The following NOTO variants were observed in gnomAD, a reference collection of about 807,000 sequenced individuals.
The protein encoded by NOTO is notochord homeobox.
Under a neutral mutation model 20.5 loss-of-function variants are expected in NOTO, and 19 were observed. The observed-to-expected ratio is 0.93, with a 90% CI of 0.65 to 1.36. The LOEUF (loss-of-function observed/expected upper bound fraction) is 1.36. Ranked by LOEUF, NOTO falls within the 40% of genes most tolerant of loss-of-function variation. NOTO has a pLI of 0.00. For synonymous variants in NOTO, 150 were observed against 150.2 expected, an observed-to-expected ratio of 1.00 and a Z score of 0.01; for missense variants, 369 against 336.2, an observed-to-expected ratio of 1.10 and a Z score of -0.76.
Position 73,203,012 on chromosome 2 carries a change from G to T in NOTO, c.346G>T (p.Ala116Ser). The T allele has an allele frequency of 7.0e-7, 1 of 1,422,122 alleles. No individual in the cohort carries two copies. Among genetic ancestry groups the T allele is most frequent in the East Asian group, 3.0e-5 (1 of 33,728 alleles). The allele number at this position is 1,422,122 out of a possible 1,614,324, so 88.1% of individuals were successfully genotyped here. A position where few individuals can be genotyped will look rare whatever the true frequency, so the allele number is the denominator to read the frequency against. The change falls in exon 1 of 3, where the codon GCT (alanine) becomes TCT (serine). Residue 116 changes from alanine to serine, a missense_variant. Physicochemically the swap from Ala to Ser is moderately conservative, Grantham distance 99 (BLOSUM62 1). Transcript: ENST00000398468. ...GFYPVPGPRVAPVCGLLGFGV... is the reference protein window; with the variant it reads ...GFYPVPGPRVSPVCGLLGFGV... ...TTACCCTGTGCCAGGGCCGCGCGTGGCTCCCGTCTGCGGCCTGCTGGGCTT... is the reference window on the plus strand; with the variant it reads ...TTACCCTGTGCCAGGGCCGCGCGTGTCTCCCGTCTGCGGCCTGCTGGGCTT...
chr2:73,202,782 C>T lies in NOTO; in HGVS notation c.116C>T (p.Pro39Leu). 6.6e-7 allele frequency: 1 copy of T among 1,524,436 alleles called. No individual in the cohort carries two copies. The highest frequency in any genetic ancestry group is 2.6e-5 in the East Asian group (1 of 39,032). 94.4% of individuals were successfully genotyped at this position (1,524,436 alleles called of 1,614,324 possible). A position where few individuals can be genotyped will look rare whatever the true frequency, so the allele number is the denominator to read the frequency against. ...AGGTCCCCTACTGGCCCGAACACGC[C>T]CCGCGCTCCCGGACGCTTCGAGTCC... is the stretch of plus-strand genomic sequence containing the variant. ...APRSPTGPNT[P>L]RAPGRFESPF... is the part of the protein sequence containing the mutation. Residue 39 changes from proline (P) to leucine (L), a missense_variant, in exon 1 of 3, where the codon CCC (proline) becomes CTC (leucine). By Grantham distance (98) the Pro-to-Leu change is moderately conservative. Transcript: ENST00000398468.
intron 1 of NOTO, among the ~76,000 whole-genome samples, chr2:73,204,262 A>T (rs569696198): frequency 6.6e-6 from 1 of 152,342 alleles, no homozygotes; most frequent in African/African-American, 2.4e-5. Context: ...TGGGCAACAG[A>T]GTGAGACTCC....
In NOTO at chr2:73,212,195, A is replaced by C. The variant is rs1686193679; in HGVS notation, c.*1266A>C. 1 of 152,378 alleles carries C rather than the reference A, an allele frequency of 6.6e-6. No homozygotes were observed. Among genetic ancestry groups the C allele is most frequent in the South Asian group, 2.1e-4 (1 of 4,832 alleles). 9.4% of individuals were successfully genotyped at this position (152,378 alleles called of 1,614,324 possible). A position where few individuals can be genotyped will look rare whatever the true frequency, so the allele number is the denominator to read the frequency against. Reference sequence around the variant, plus strand: ...GGACTCGCTCTGTCACCCAGACTGGAGTGCAGTGGTGCAATCATAGCTCAC... The same window carrying C: ...GGACTCGCTCTGTCACCCAGACTGGCGTGCAGTGGTGCAATCATAGCTCAC... On this transcript the variant is annotated 3_prime_UTR_variant, in exon 3 of 3. Coordinates refer to ENST00000398468, the MANE Select transcript of NOTO (RefSeq NM_001134462.2).
rs1346757550 is a variant in NOTO, at chr2:73,212,083, C to T, written c.*1154C>T. ...AAGAAGAGAAGGTAGACTGTTTAGCCCACTTCACAAAGTTTCCCAACGTTT... is the reference window on the plus strand; with the variant it reads ...AAGAAGAGAAGGTAGACTGTTTAGCTCACTTCACAAAGTTTCCCAACGTTT... On this transcript the variant is annotated 3_prime_UTR_variant, in exon 3 of 3. Coordinates refer to ENST00000398468, the MANE Select transcript of NOTO (RefSeq NM_001134462.2). 1 of 152,194 alleles carries T rather than the reference C, an allele frequency of 6.6e-6. No homozygotes were observed. The highest frequency in any genetic ancestry group is 1.5e-5 in the Non-Finnish European group (1 of 68,052). 9.4% of individuals were successfully genotyped at this position (152,194 alleles called of 1,614,324 possible).
chr2:73,206,881 G>A (rs1179168808), intron 1 of NOTO, among the ~76,000 whole-genome samples: 1 of 136,908 alleles, frequency 7.3e-6, no homozygotes, highest in African/African-American at 2.8e-5. Context: ...TGCAACTTCC[G>A]CCTTCCAGGT....
rs1864492 is a variant in NOTO, at chr2:73,202,680, G to A, written c.14G>A (p.Arg5Lys). Reference sequence around the variant, plus strand: ...AACGGCCGCGTCATGCCTAGCCCCAGGCCGCGAGGCAGCCCGCCACCCGCT... The same window carrying A: ...AACGGCCGCGTCATGCCTAGCCCCAAGCCGCGAGGCAGCCCGCCACCCGCT... The part of the protein sequence containing the change: MPSP[R>K]PRGSPPPAPS... The change falls in exon 1 of 3, where the codon AGG becomes AAG. Residue 5 changes from arginine (R) to lysine (K), a missense_variant. Arg to Lys is a conservative substitution (Grantham distance 26, BLOSUM62 2). Transcript: ENST00000398468. 4.0e-6 allele frequency: 6 copies of A among 1,492,974 alleles called. No individual in the cohort carries two copies. The highest frequency in any genetic ancestry group is 1.5e-5 in the African/African-American group (1 of 68,494). 92.5% of individuals were successfully genotyped at this position (1,492,974 alleles called of 1,614,324 possible). A position where few individuals can be genotyped will look rare whatever the true frequency, so the allele number is the denominator to read the frequency against.
chr2:73,210,746 A>G, intron 2 of NOTO, 25 bp from the exon 3 acceptor site: 1 of 1,530,706 alleles, frequency 6.5e-7, no homozygotes, highest in Non-Finnish European at 8.8e-7. Context: ...TCACATTCTG[A>G]TCTCTGCCCA....
rs769183273 is a variant in NOTO, at chr2:73,211,486, T to A, written c.*557T>A. 1 of 152,044 alleles carries A rather than the reference T, an allele frequency of 6.6e-6. No homozygotes were observed. The highest frequency in any genetic ancestry group is 2.1e-4 in the South Asian group (1 of 4,832). The allele number at this position is 152,044 out of a possible 1,614,324, so 9.4% of individuals were successfully genotyped here. On this transcript the variant is annotated 3_prime_UTR_variant, in exon 3 of 3. Transcript: ENST00000398468. Reference sequence around the variant, plus strand: ...CCACAGATTCAGGGCTCATTCCACATGGCAGCCCCTCCTTTCTTTTTTTTT... The same window carrying A: ...CCACAGATTCAGGGCTCATTCCACAAGGCAGCCCCTCCTTTCTTTTTTTTT...
At chr2:73,210,175 C>T (rs187733386) in intron 2 of NOTO, among the ~76,000 whole-genome samples, 8 of 152,308 alleles carry the variant, frequency 5.3e-5, no homozygotes, top group Middle Eastern at 3.4e-3. Context: ...CCTTCCAGGT[C>T]CTGGGTGATC....
At position 73,208,592 on chromosome 2, in the gene NOTO, G is replaced by T; in HGVS notation, c.575G>T (p.Arg192Leu). The T allele has an allele frequency of 6.4e-7, 1 of 1,551,100 alleles. No individual in the cohort carries two copies. Among genetic ancestry groups the T allele is most frequent in the South Asian group, 1.2e-5 (1 of 84,020 alleles). ...AAGAAGAGAGCCCAGCTGGCAGCTC[G>T]GCTCAAACTTACAGAGAACCAGGTG... ...VGKKRAQLAA[R>L]LKLTENQVRV... The change falls in exon 2 of 3, where the codon CGG becomes CTG. Residue 192 changes from arginine to leucine, a missense_variant. Coordinates refer to ENST00000398468, the MANE Select transcript of NOTO (RefSeq NM_001134462.2).
intron 1 of NOTO, among the ~76,000 whole-genome samples, chr2:73,206,645 A>C (rs2103692580): frequency 6.6e-6 from 1 of 152,244 alleles, no homozygotes; most frequent in African/African-American, 2.4e-5. Flanking sequence ...AGACAGCACC[A>C]TGTTAAAATC....
At position 73,210,807 on chromosome 2, in the gene NOTO, C is replaced by T; in HGVS notation, c.634C>T (p.Gln212Ter). The part of the protein sequence containing the change: ...VWFQNRRVKY[Q>*]KQQKLRAAVT... ...GTTCCAGAACCGCAGGGTCAAGTAT[C>T]AGAAGCAGCAAAAGCTGAGGGCAGC... is the stretch of plus-strand genomic sequence containing the variant. Residue 212 changes from glutamine to a stop codon, truncating the protein, a stop_gained, in exon 3 of 3, where the codon CAG (glutamine) becomes TAG (stop). Coordinates refer to ENST00000398468, the MANE Select transcript of NOTO (RefSeq NM_001134462.2). LOFTEE classifies it low-confidence loss of function (END_TRUNC). 2 of 1,551,552 alleles carry T rather than the reference C, an allele frequency of 1.3e-6. No individual in the cohort carries two copies. The highest frequency in any genetic ancestry group is 1.7e-6 in the Non-Finnish European group (2 of 1,146,912).
chr2:73,209,565 T>C (rs1481778365), intron 2 of NOTO, among the ~76,000 whole-genome samples: 1 of 152,196 alleles, frequency 6.6e-6, no homozygotes, highest in African/African-American at 2.4e-5. Context: ...CCAGACACCA[T>C]GCTGTCTAGT....
intron 2 of NOTO, 62 bp downstream of exon 2, chr2:73,208,676 G>A: frequency 9.3e-7 from 1 of 1,069,772 alleles, no homozygotes; most frequent in Non-Finnish European, 1.4e-6. Context: ...ACCTCAGCAA[G>A]GCCCTAAAAG....
rs773799388 is a variant in NOTO at position 73,208,377 on chromosome 2, C to G, written c.383-23C>G. The G allele has an allele frequency of 3.9e-6, 6 of 1,522,318 alleles. No homozygotes were observed. The South Asian group carries it at 7.2e-5, about 18-fold the overall frequency. The allele number at this position is 1,522,318 out of a possible 1,614,324, so 94.3% of individuals were successfully genotyped here. A position where few individuals can be genotyped will look rare whatever the true frequency, so the allele number is the denominator to read the frequency against. On this transcript the variant is annotated intron_variant, in intron 1 of 2. Transcript: ENST00000398468. ...ACCTCCCCTGCTGCTGGATAACCTCCCCTGCTGCTGGTTGCTCTTTAGGGT... is the reference window on the plus strand; with the variant it reads ...ACCTCCCCTGCTGCTGGATAACCTCGCCTGCTGCTGGTTGCTCTTTAGGGT...
chr2:73,206,984 G>A (rs1000285024), intron 1 of NOTO, among the ~76,000 whole-genome samples: 7 of 151,672 alleles, frequency 4.6e-5, no homozygotes, highest in South Asian at 2.1e-4. Flanking sequence ...TAGTAGAGAC[G>A]GGGTTTCGCC....
chr2:73,210,996 C>T lies in NOTO; in HGVS notation c.*67C>T, dbSNP rs550073527. The T allele has an allele frequency of 1.5e-6, 2 of 1,330,196 alleles. No homozygotes were observed. The highest frequency in any genetic ancestry group is 2.6e-5 in the East Asian group (1 of 38,508). 82.4% of individuals were successfully genotyped at this position (1,330,196 alleles called of 1,614,324 possible). ...CCTCCTGGGGGTACCCACTGGAGCT[C>T]CCTGCCTCACACCTCAACGAAAAGC... On this transcript the variant is annotated 3_prime_UTR_variant, in exon 3 of 3. Coordinates refer to ENST00000398468, the MANE Select transcript of NOTO (RefSeq NM_001134462.2).
rs781531278 is a variant in NOTO, at chr2:73,202,713, G to A, written c.47G>A (p.Gly16Asp). 6 of 1,515,736 alleles carry A rather than the reference G, an allele frequency of 4.0e-6. No homozygotes were observed. The South Asian group carries it at 6.0e-5, about 15-fold the overall frequency. The allele number at this position is 1,515,736 out of a possible 1,614,324, so 93.9% of individuals were successfully genotyped here. ...GGCAGCCCGCCACCCGCTCCCTCGG[G>A]CTCTCGGGTCCGACCTCCGCGCTCT... ...PRGSPPPAPS[G>D]SRVRPPRSGR... The change falls in exon 1 of 3, where the codon GGC (glycine) becomes GAC (aspartate). Residue 16 changes from glycine to aspartate, a missense_variant. By Grantham distance (94) the Gly-to-Asp change is moderately conservative (BLOSUM62 -1). Transcript: ENST00000398468.
intron 1 of NOTO, 97 bp downstream of exon 1, chr2:73,203,145 G>A (rs1309546431): frequency 6.3e-6 from 7 of 1,103,616 alleles, no homozygotes; most frequent in East Asian, 3.2e-5. Context: ...AGGGCACTGA[G>A]TGTGAGAATC....
Sources: gnomAD v4.1 joint callset for allele counts (sites outside exome capture counted in the v4.1 genomes callset) on GRCh38, gnomAD v4.1.1 for gene constraint, MANE v1.5 for transcripts, NCBI Gene and HGNC (gene_info 2026-07-23, HGNC 2026-07-21) for gene names.